The following SLC2A13 variants were observed in gnomAD, a reference collection of about 807,000 sequenced individuals.
SLC2A13 encodes solute carrier family 2 member 13.
A neutral mutation model predicts 64.4 loss-of-function variants in SLC2A13; 32 were observed. That is an observed-to-expected ratio of 0.50 (90% confidence interval 0.37 to 0.67). The LOEUF (loss-of-function observed/expected upper bound fraction) is 0.67. SLC2A13 is among the 30% of genes least tolerant of loss of function. The pLI is 0.00. For missense variants in SLC2A13, 743 were observed against 829.2 expected (o/e 0.90, Z 1.28); for synonymous variants, 338 against 327.1 (o/e 1.03, Z -0.36).
chr12:39,843,734 G>A (rs904162372), intron 6 of SLC2A13, among the ~76,000 whole-genome samples: 3 of 152,024 alleles, frequency 2.0e-5, no homozygotes, highest in Non-Finnish European at 2.9e-5. Flanking sequence ...AATGGTGGAG[G>A]CTCTATTACT....
chr12:40,075,918 A>C (rs1042623355), intron 1 of SLC2A13, among the ~76,000 whole-genome samples: 1 of 152,058 alleles, frequency 6.6e-6, no homozygotes, highest in Non-Finnish European at 1.5e-5. Flanking sequence ...TCCTTTATTA[A>C]AGTACGTGTT....
chr12:39,953,254 T>C (rs559453867), intron 3 of SLC2A13, among the ~76,000 whole-genome samples: 1 of 152,292 alleles, frequency 6.6e-6, no homozygotes, highest in Admixed American at 6.5e-5. Context: ...ACATCACATA[T>C]TTCCTAGTTT....
At chr12:39,792,888 AT>A (rs1200740888) in intron 7 of SLC2A13, among the ~76,000 whole-genome samples, 1 of 151,968 alleles carries the variant, frequency 6.6e-6, no homozygotes, top group Non-Finnish European at 1.5e-5. Context: ...ATTTCTATCA[AT>A]GTGGGGCTTC....
At chr12:39,825,767 AT>A in intron 7 of SLC2A13, among the ~76,000 whole-genome samples, 1 of 151,928 alleles carries the variant, frequency 6.6e-6, no homozygotes, top group East Asian at 1.9e-4. Flanking sequence ...AAGAACTTTT[AT>A]TTTTTGATCC....
chr12:39,890,607 A>G (rs1012877275), intron 4 of SLC2A13, among the ~76,000 whole-genome samples: 3 of 152,060 alleles, frequency 2.0e-5, no homozygotes, highest in African/African-American at 7.2e-5. Context: ...AATTTGTGGG[A>G]TTTTTTTCAT....
intron 7 of SLC2A13, among the ~76,000 whole-genome samples, chr12:39,784,296 G>A (rs112453782): frequency 2.0e-5 from 3 of 152,124 alleles, no homozygotes; most frequent in African/African-American, 7.2e-5. Context: ...AACAAAGCTG[G>A]AGGCATCACG....
At chr12:39,854,038 T>G (rs1943538856) in intron 6 of SLC2A13, among the ~76,000 whole-genome samples, 1 of 152,094 alleles carries the variant, frequency 6.6e-6, no homozygotes, top group South Asian at 2.1e-4. Flanking sequence ...TCTTTGCTTC[T>G]TGGGTAACTG....
chr12:39,800,422 A>C (rs1941747311), intron 7 of SLC2A13, among the ~76,000 whole-genome samples: 1 of 149,420 alleles, frequency 6.7e-6, no homozygotes, highest in South Asian at 2.2e-4. Flanking sequence ...AACCCCATCA[A>C]AAAGTGGGCG....
rs1335797394 is a variant in SLC2A13, at chr12:40,105,838, A to G, written c.-30T>C. 7.3e-7 allele frequency: 1 copy of G among 1,365,736 alleles called. No homozygotes were observed. The highest frequency in any genetic ancestry group is 9.4e-7 in the Non-Finnish European group (1 of 1,061,044). The allele number at this position is 1,365,736 out of a possible 1,614,324, so 84.6% of individuals were successfully genotyped here. A position where few individuals can be genotyped will look rare whatever the true frequency, so the allele number is the denominator to read the frequency against. On this transcript the variant is annotated 5_prime_UTR_variant, in exon 1 of 10. Transcript: ENST00000280871. The surrounding 1 kb of genome is among the most constrained non-coding windows in gnomAD (Gnocchi z 4.2). Reference sequence around the variant, plus strand: ...CAGGGGCCCGGGGCTGCCCGGGGGGACGCGGCTCCGCGGGCCGGCAGTCTC... The same window carrying G: ...CAGGGGCCCGGGGCTGCCCGGGGGGGCGCGGCTCCGCGGGCCGGCAGTCTC...
chr12:39,980,237 C>A (rs1946863224), intron 3 of SLC2A13, among the ~76,000 whole-genome samples: 1 of 152,000 alleles, frequency 6.6e-6, no homozygotes, highest in African/African-American at 2.4e-5. Context: ...ATGTAAAGAC[C>A]ATCGAGACTA....
intron 3 of SLC2A13, among the ~76,000 whole-genome samples, chr12:40,019,429 G>A (rs1025045105): frequency 6.6e-6 from 1 of 152,116 alleles, no homozygotes; most frequent in Non-Finnish European, 1.5e-5. Context: ...GCAGTCTGCA[G>A]AGCAGAACAG....
At chr12:39,920,582 T>C (rs1945598205) in intron 4 of SLC2A13, among the ~76,000 whole-genome samples, 1 of 152,062 alleles carries the variant, frequency 6.6e-6, no homozygotes, top group African/African-American at 2.4e-5. Flanking sequence ...AGTGAACATT[T>C]ATAGAGACTC....
At chr12:39,853,977 T>C (rs1233910783) in intron 6 of SLC2A13, among the ~76,000 whole-genome samples, 1 of 152,110 alleles carries the variant, frequency 6.6e-6, no homozygotes, top group East Asian at 1.9e-4. Flanking sequence ...TAAAATAAAA[T>C]CCTAGTGTTT....
chr12:40,033,153 T>C (rs1309467992), intron 2 of SLC2A13, among the ~76,000 whole-genome samples: 2 of 152,186 alleles, frequency 1.3e-5, no homozygotes, highest in African/African-American at 2.4e-5. Flanking sequence ...ACAAAGAAGA[T>C]ACATGGTTAG....
chr12:40,104,325 C>G (rs955269457), intron 1 of SLC2A13, among the ~76,000 whole-genome samples: 6 of 152,216 alleles, frequency 3.9e-5, no homozygotes, highest in African/African-American at 1.4e-4. Flanking sequence ...ATACAGAGCA[C>G]ATTCCAAATA....
At chr12:39,782,368 T>C (rs2135744218) in intron 7 of SLC2A13, among the ~76,000 whole-genome samples, 1 of 152,256 alleles carries the variant, frequency 6.6e-6, no homozygotes, top group South Asian at 2.1e-4. Flanking sequence ...TATGCTATTC[T>C]TGTAATAGTG....
intron 1 of SLC2A13, among the ~76,000 whole-genome samples, chr12:40,048,532 C>A (rs956763519): frequency 1.3e-5 from 2 of 151,958 alleles, no homozygotes; most frequent in African/African-American, 4.8e-5. Context: ...AAAAAAAGTT[C>A]TCTAGATAGA....
At chr12:40,017,144 T>A (rs553464007) in intron 3 of SLC2A13, among the ~76,000 whole-genome samples, 2 of 152,282 alleles carry the variant, frequency 1.3e-5, no homozygotes, top group South Asian at 2.1e-4. Flanking sequence ...AGATCAGACA[T>A]CACCATCCAC....
At chr12:40,066,139 A>C (rs2136260645) in intron 1 of SLC2A13, among the ~76,000 whole-genome samples, 1 of 152,292 alleles carries the variant, frequency 6.6e-6, no homozygotes, top group South Asian at 2.1e-4. Context: ...AATATTTATA[A>C]ATTTAACTTT....
Sources: allele counts gnomAD v4.1 joint callset (sites outside exome capture counted in the v4.1 genomes callset), GRCh38; gene constraint gnomAD v4.1.1; non-coding constraint Gnocchi (gnomAD v3.1); transcripts MANE v1.5; gene names NCBI Gene and HGNC (gene_info 2026-07-23, HGNC 2026-07-21).